The following CUX2 variants were observed in gnomAD, a reference collection of about 807,000 sequenced individuals.
The protein encoded by CUX2 is homeobox protein cut-like 2.
Under a neutral mutation model 144.8 loss-of-function variants are expected in CUX2, and 40 were observed. The ratio of observed to expected loss-of-function variants is 0.28; its 90% CI spans 0.21 to 0.36. The LOEUF is 0.36. Among genes scored for constraint, CUX2 ranks in the 10% least tolerant of loss-of-function variants. The pLI is 1.00. For synonymous variants in CUX2, 827 were observed against 875.6 expected (o/e 0.94, Z 0.98); for missense variants, 1,615 against 1,994.0 (o/e 0.81, Z 3.62).
At chr12:111,062,595 T>G (rs1395685504) in intron 1 of CUX2, among the ~76,000 whole-genome samples, 1 of 151,534 alleles carries the variant, frequency 6.6e-6, no homozygotes, top group African/African-American at 2.4e-5. Context: ...ACAGACATGC[T>G]CTCTGCTCTC....
chr12:111,318,759 C>T (rs919555962), intron 16 of CUX2, among the ~76,000 whole-genome samples: 1 of 151,922 alleles, frequency 6.6e-6, no homozygotes, highest in African/African-American at 2.4e-5. Flanking sequence ...ACTGCAGCCT[C>T]GAATTCCCAG....
chr12:111,336,460 T>TGTGTGTGTGTGTG lies in CUX2; in HGVS notation c.3196+1750_3196+1751insGTGTGTGTGTGTG, dbSNP rs1490518484. ...TGTGTGTGTGTGTGTGTGTGTGTGT[T>TGTGTGTGTGTGTG]TAAGATGGAGTCTCCTGTCACCCAG... On this transcript the variant is annotated intron_variant, in intron 19 of 21. Coordinates refer to ENST00000261726, the MANE Select transcript of CUX2 (RefSeq NM_015267.4). Among the ~76,000 whole-genome samples the TGTGTGTGTGTGTG allele has an allele frequency of 2.6e-3, 339 of 130,818 alleles. 1 individual carries two copies. Among genetic ancestry groups the TGTGTGTGTGTGTG allele is most frequent in the African/African-American group, 9.3e-3 (301 of 32,230 alleles). The allele number at this position is 130,818 out of a possible 152,430, so 85.8% of individuals were successfully genotyped here.
chr12:111,130,106 T>G (rs1213851096), intron 1 of CUX2, among the ~76,000 whole-genome samples: 2 of 152,186 alleles, frequency 1.3e-5, no homozygotes, highest in Admixed American at 1.3e-4. Flanking sequence ...AGGCTGCAGG[T>G]TCCTTTGTGG....
intron 4 of CUX2, among the ~76,000 whole-genome samples, chr12:111,266,620 G>A (rs754846262): frequency 2.8e-4 from 43 of 152,280 alleles, no homozygotes; most frequent in Non-Finnish European, 5.7e-4. Flanking sequence ...GAGACAAGAA[G>A]GATCCTTCCC....
intron 18 of CUX2, 135 bp from the exon 19 acceptor site, chr12:111,334,306 A>T: frequency 1.1e-6 from 1 of 878,456 alleles, no homozygotes; most frequent in Non-Finnish European, 1.7e-6. Context: ...GGTGGTCCCT[A>T]CCTGAGCGAT....
chr12:111,305,288 G>A (rs1001255953), intron 10 of CUX2, among the ~76,000 whole-genome samples: 2 of 152,142 alleles, frequency 1.3e-5, no homozygotes, highest in African/African-American at 4.8e-5. Flanking sequence ...CTGCTCCAGG[G>A]TGACTTCCCT....
rs1043236406 is a variant in CUX2 at position 111,039,758 on chromosome 12, C to G, written c.63+5518C>G. 1.3e-5 allele frequency among the ~76,000 whole-genome samples: 2 copies of G among 152,148 alleles called. No individual in the cohort carries two copies. Among genetic ancestry groups the G allele is most frequent in the African/African-American group, 4.8e-5 (2 of 41,430 alleles). On this transcript the variant is annotated intron_variant, in intron 1 of 21. Transcript: ENST00000261726. This position sits in a 1 kb window ranked among gnomAD's most constrained non-coding sequence, Gnocchi z 4.2. ...TGTTGACCAGGCTGGTCTTGAAGTC[C>G]TGACCTCAAATGATCCACCAGCCTC...
At chr12:111,267,877 A>G (rs1332028283) in intron 4 of CUX2, among the ~76,000 whole-genome samples, 2 of 152,200 alleles carry the variant, frequency 1.3e-5, no homozygotes. Flanking sequence ...GCTGGAGTGC[A>G]GTAGTGTGAT....
chr12:111,126,192 T>C (rs1875071521), intron 1 of CUX2, among the ~76,000 whole-genome samples: 1 of 151,440 alleles, frequency 6.6e-6, no homozygotes. Flanking sequence ...CACTGCAACC[T>C]CTGCCTCTCA....
chr12:111,228,611 A>G (rs940274800), intron 3 of CUX2, among the ~76,000 whole-genome samples: 1 of 151,958 alleles, frequency 6.6e-6, no homozygotes, highest in Non-Finnish European at 1.5e-5. Flanking sequence ...TTTAGTAGAG[A>G]CAGGGCTTCA....
chr12:111,062,268 C>T (rs920970563), intron 1 of CUX2, among the ~76,000 whole-genome samples: 2 of 151,866 alleles, frequency 1.3e-5, no homozygotes, highest in African/African-American at 2.4e-5. Flanking sequence ...CACTCACACA[C>T]GCTCTCTCAT....
At chr12:111,330,944 T>C (rs1888097668) in intron 18 of CUX2, among the ~76,000 whole-genome samples, 1 of 150,708 alleles carries the variant, frequency 6.6e-6, no homozygotes, top group African/African-American at 2.4e-5. Flanking sequence ...CTAATAGACC[T>C]CAGGGAAGGG....
intron 9 of CUX2, among the ~76,000 whole-genome samples, chr12:111,302,254 A>G (rs1347876238): frequency 2.0e-5 from 3 of 152,212 alleles, no homozygotes; most frequent in Admixed American, 6.5e-5. Flanking sequence ...AAATACAGCC[A>G]CAGCTCTTTT....
intron 1 of CUX2, among the ~76,000 whole-genome samples, chr12:111,096,102 G>C (rs1381331305): frequency 6.6e-6 from 1 of 152,208 alleles, no homozygotes; most frequent in African/African-American, 2.4e-5. Flanking sequence ...GTGGATGAGT[G>C]ATGGTTCCAG....
Position 111,249,451 on chromosome 12 carries a change from T to TC in CUX2, c.223-14310_223-14309insC, listed in dbSNP as rs1349662189. 4.4e-4 allele frequency among the ~76,000 whole-genome samples: 63 copies of TC among 143,896 alleles called. 1 individual carries two copies. Among genetic ancestry groups the TC allele is most frequent in the Non-Finnish European group, 4.1e-4 (27 of 66,078 alleles). 94.4% of individuals were successfully genotyped at this position (143,896 alleles called of 152,430 possible). A position where few individuals can be genotyped will look rare whatever the true frequency, so the allele number is the denominator to read the frequency against. ...ATTAATAGACCCTTTTTTTGTTTTT[T>TC]TTTTTTTTTTTTTAGTGGGGTTGGA... On this transcript the variant is annotated intron_variant, in intron 3 of 21. Coordinates refer to ENST00000261726, the MANE Select transcript of CUX2 (RefSeq NM_015267.4).
At chr12:111,314,558 T>G (rs1026049317) in intron 16 of CUX2, among the ~76,000 whole-genome samples, 1 of 147,890 alleles carries the variant, frequency 6.8e-6, no homozygotes, top group African/African-American at 2.5e-5. Flanking sequence ...GAGAATTGCT[T>G]GAACCTGGGA....
chr12:111,075,804 C>T (rs1461412783), intron 1 of CUX2, among the ~76,000 whole-genome samples: 7 of 152,126 alleles, frequency 4.6e-5, no homozygotes, highest in Admixed American at 4.6e-4. Context: ...CCCAGGGTCA[C>T]TCAGCAAGAG....
chr12:111,308,216 C>T lies in CUX2; in HGVS notation c.1110-69C>T, dbSNP rs554378833. 6 of 1,569,776 alleles carry T rather than the reference C, an allele frequency of 3.8e-6. No homozygotes were observed. The African/African-American group carries it at 6.7e-5, about 18-fold the overall frequency. ...GTCAGGGAGGTAAGCCGGGTCAGTG[C>T]CTCTTGAAAGACCTCTCCTCCAGCC... On this transcript the variant is annotated intron_variant, in intron 12 of 21. Transcript: ENST00000261726.
At position 111,310,807 on chromosome 12, in the gene CUX2, C is replaced by T; in HGVS notation, c.1900+125C>T. 1.8e-6 allele frequency: 2 copies of T among 1,128,074 alleles called. No individual in the cohort carries two copies. The highest frequency in any genetic ancestry group is 2.4e-6 in the Non-Finnish European group (2 of 818,594). The allele number at this position is 1,128,074 out of a possible 1,614,324, so 69.9% of individuals were successfully genotyped here. A position where few individuals can be genotyped will look rare whatever the true frequency, so the allele number is the denominator to read the frequency against. Reference sequence around the variant, plus strand: ...TCTACCACCACCTGGCTGTGTGACCCAGGGCCAGTGGCTTTGCCTGTCTGT... The same window carrying T: ...TCTACCACCACCTGGCTGTGTGACCTAGGGCCAGTGGCTTTGCCTGTCTGT... On this transcript the variant is annotated intron_variant, in intron 15 of 21. Transcript: ENST00000261726. This position sits in a 1 kb window ranked among gnomAD's most constrained non-coding sequence, Gnocchi z 7.9.
Sources: allele counts gnomAD v4.1 joint callset (sites outside exome capture counted in the v4.1 genomes callset), GRCh38; gene constraint gnomAD v4.1.1; non-coding constraint Gnocchi (gnomAD v3.1); transcripts MANE v1.5; gene names NCBI Gene and HGNC (gene_info 2026-07-23, HGNC 2026-07-21).